Variants in RANBP3 observed in about 807,000 individuals in gnomAD.
The protein encoded by RANBP3 is RAN binding protein 3.
A neutral mutation model predicts 77.3 loss-of-function variants in RANBP3; 14 were observed. The observed-to-expected ratio is 0.18, with a 90% CI of 0.12 to 0.28. The LOEUF (loss-of-function observed/expected upper bound fraction) is 0.28, where lower values mean the gene tolerates loss of function less well. Among genes scored for constraint, RANBP3 ranks in the 10% least tolerant of loss-of-function variants. RANBP3 has a pLI of 1.00. For missense variants in RANBP3, 586 were observed against 752.3 expected, an observed-to-expected ratio of 0.78 and a Z score of 2.59; for synonymous variants, 315 against 312.4, an observed-to-expected ratio of 1.01 and a Z score of -0.09.
chr19:5,931,263 C>A, intron 8 of RANBP3, 141 bp downstream of exon 8: 1 of 930,796 alleles, frequency 1.1e-6, no homozygotes, highest in Non-Finnish European at 1.5e-6. Flanking sequence ...TGAGCAAATC[C>A]AGAGAGCCTT....
intron 1 of RANBP3, among the ~76,000 whole-genome samples, chr19:5,975,830 A>G (rs1364499789): frequency 2.0e-5 from 3 of 151,870 alleles, no homozygotes; most frequent in African/African-American, 4.8e-5. Context: ...TGTTTCAGTT[A>G]GAGGAATCAG....
chr19:5,931,889 G>T (rs2057997178), intron 7 of RANBP3, among the ~76,000 whole-genome samples: 1 of 151,924 alleles, frequency 6.6e-6, no homozygotes, highest in African/African-American at 2.4e-5. Flanking sequence ...AAACAAACTG[G>T]CTGGGTGTGG....
At chr19:5,937,016 A>AC (rs2145114460) in intron 5 of RANBP3, among the ~76,000 whole-genome samples, 1 of 127,930 alleles carries the variant, frequency 7.8e-6, no homozygotes, top group Admixed American at 9.6e-5. Flanking sequence ...AGATTGTGCC[A>AC]CTGCACTCCA....
At chr19:5,964,565 C>A (rs2058441314) in intron 1 of RANBP3, among the ~76,000 whole-genome samples, 1 of 152,078 alleles carries the variant, frequency 6.6e-6, no homozygotes, top group African/African-American at 2.4e-5. Context: ...AGGGGAGGCA[C>A]AGCAGGCCCT....
intron 1 of RANBP3, among the ~76,000 whole-genome samples, chr19:5,969,702 A>G (rs1451970846): frequency 6.6e-6 from 1 of 152,252 alleles, no homozygotes; most frequent in Non-Finnish European, 1.5e-5. Flanking sequence ...AGCCAGCCCT[A>G]CCTGCTTCCA....
chr19:5,969,602 G>A (rs758582099), intron 1 of RANBP3, among the ~76,000 whole-genome samples: 6 of 152,220 alleles, frequency 3.9e-5, no homozygotes, highest in African/African-American at 2.4e-5. Flanking sequence ...AGGGGTGAAC[G>A]AGTGCCCATT....
chr19:5,939,591 A>C (rs1490508414), intron 5 of RANBP3, among the ~76,000 whole-genome samples: 1 of 152,146 alleles, frequency 6.6e-6, no homozygotes, highest in Admixed American at 6.5e-5. Context: ...AACTGTTGAC[A>C]AGGAGGTGCA....
At chr19:5,933,358 G>T in intron 6 of RANBP3, 56 bp downstream of exon 6, 1 of 1,457,272 alleles carries the variant, frequency 6.9e-7, no homozygotes, top group South Asian at 1.2e-5. Context: ...TGGCCTAGCA[G>T]AGGTCTGAAA....
Position 5,972,761 on chromosome 19 carries a change from C to A in RANBP3, c.22+5300G>T, listed in dbSNP as rs370491430. Among the ~76,000 whole-genome samples the A allele has an allele frequency of 4.6e-5, 7 of 152,288 alleles. No homozygotes were observed. In the East Asian group the frequency reaches 7.7e-4, roughly 17 times the overall value. On this transcript the variant is annotated intron_variant, in intron 1 of 16. Transcript: ENST00000340578. ...GGCAGAATTCAACCCCCCTTCTCCA[C>A]CCCAAGCTCCTCCAAATGCCACTCG...
chr19:5,956,721 A>G (rs2058338998), intron 2 of RANBP3, among the ~76,000 whole-genome samples: 1 of 152,178 alleles, frequency 6.6e-6, no homozygotes, highest in Non-Finnish European at 1.5e-5. Flanking sequence ...ATTGCTCAGG[A>G]AAACCGGGCC....
intron 5 of RANBP3, among the ~76,000 whole-genome samples, chr19:5,941,013 T>A (rs1457711097): frequency 6.6e-6 from 1 of 152,206 alleles, no homozygotes; most frequent in Non-Finnish European, 1.5e-5. Flanking sequence ...AGGCCTCACG[T>A]CCAGGGCCTT....
intron 3 of RANBP3, chr19:5,950,711 G>GT (rs1348829360): frequency 1.3e-5 from 2 of 152,560 alleles, no homozygotes; most frequent in African/African-American, 4.8e-5. Flanking sequence ...GTAGGATAAT[G>GT]TTTACCTTTC....
intron 6 of RANBP3, 66 bp from the exon 7 acceptor site, chr19:5,932,610 C>T: frequency 1.5e-6 from 2 of 1,326,438 alleles, no homozygotes; most frequent in Non-Finnish European, 1.1e-6. Context: ...GCTTCAGAGA[C>T]TGACCCCTGG....
In RANBP3 at chr19:5,952,612, C is replaced by T. The variant is rs2145190190; in HGVS notation, c.79-1016G>A. ...GGTGACCTACATGACTACAGGGCTG[C>T]CCCGTCTCCCCGTGGACGTGGCTGT... On this transcript the variant is annotated intron_variant, in intron 2 of 16. Transcript: ENST00000340578. The surrounding 1 kb of genome is among the most constrained non-coding windows in gnomAD (Gnocchi z 4.1). Among the ~76,000 whole-genome samples, 1 of 152,328 alleles carries T rather than the reference C, an allele frequency of 6.6e-6. No individual in the cohort carries two copies. The highest frequency in any genetic ancestry group is 2.1e-4 in the South Asian group (1 of 4,832).
intron 7 of RANBP3, among the ~76,000 whole-genome samples, chr19:5,932,147 C>A (rs997201575): frequency 1.3e-5 from 2 of 152,122 alleles, no homozygotes; most frequent in African/African-American, 2.4e-5. Flanking sequence ...AATCTCATTC[C>A]CAGGAGCCGG....
At chr19:5,962,847 C>T (rs1199834184) in intron 1 of RANBP3, 27 of 433,414 alleles carry the variant, frequency 6.2e-5, no homozygotes, top group South Asian at 3.8e-4. Flanking sequence ...CCACTGCCCC[C>T]GACCACCAGA....
chr19:5,923,958 G>T, intron 11 of RANBP3, 44 bp from the exon 12 acceptor site: 1 of 1,465,750 alleles, frequency 6.8e-7, no homozygotes, highest in Non-Finnish European at 9.5e-7. Flanking sequence ...CACTTGTGTG[G>T]TCCTTCAGCA....
In RANBP3 at chr19:5,952,594, T is replaced by C. The variant is rs984694082; in HGVS notation, c.79-998A>G. ...GAGCCATTTCTCGCACTCGGTGACC[T>C]ACATGACTACAGGGCTGCCCCGTCT... On this transcript the variant is annotated intron_variant, in intron 2 of 16. Coordinates refer to ENST00000340578, the MANE Select transcript of RANBP3 (RefSeq NM_007322.3). This position sits in a 1 kb window ranked among gnomAD's most constrained non-coding sequence, Gnocchi z 4.1. Among the ~76,000 whole-genome samples, 1 of 152,258 alleles carries C rather than the reference T, an allele frequency of 6.6e-6. No individual in the cohort carries two copies. The highest frequency in any genetic ancestry group is 1.5e-5 in the Non-Finnish European group (1 of 68,048).
intron 1 of RANBP3, among the ~76,000 whole-genome samples, chr19:5,971,187 A>G (rs1309413300): frequency 6.6e-6 from 1 of 152,198 alleles, no homozygotes; most frequent in African/African-American, 2.4e-5. Context: ...AAAATACTTA[A>G]GATTATAATA....
Sources: allele counts gnomAD v4.1 joint callset (sites outside exome capture counted in the v4.1 genomes callset), GRCh38; gene constraint gnomAD v4.1.1; non-coding constraint Gnocchi (gnomAD v3.1); transcripts MANE v1.5; gene names NCBI Gene and HGNC (gene_info 2026-07-23, HGNC 2026-07-21).